UBE2N: variants seen among roughly 807,000 people sequenced by gnomAD.
The protein encoded by UBE2N is ubiquitin conjugating enzyme E2 N.
For synonymous variants in UBE2N, 70 were observed against 69.2 expected (o/e 1.01, Z -0.06); for missense variants, 60 against 192.1 (o/e 0.31, Z 4.07).
intron 1 of UBE2N, among the ~76,000 whole-genome samples, chr12:93,435,293 T>C (rs1357844235): frequency 6.6e-6 from 1 of 151,922 alleles, no homozygotes; most frequent in Non-Finnish European, 1.5e-5. Context: ...ACCAACATGG[T>C]GAAACCCTGC....
intron 1 of UBE2N, among the ~76,000 whole-genome samples, chr12:93,417,828 T>C (rs533196999): frequency 1.6e-4 from 24 of 152,130 alleles, no homozygotes; most frequent in African/African-American, 4.8e-4. Flanking sequence ...TTGTGTGTTA[T>C]AGAAAAAAAA....
Position 93,441,937 on chromosome 12 carries a change from C to G in UBE2N, c.-53G>C. On this transcript the variant is annotated 5_prime_UTR_variant, in exon 1 of 4. Coordinates refer to ENST00000318066, the MANE Select transcript of UBE2N (RefSeq NM_003348.4). ...GTCTCGTCTCCGGCTCCTCTCGCCT[C>G]ACGCACGAGTGGAAGTCCCGGGCTC... 1.9e-6 allele frequency: 3 copies of G among 1,539,908 alleles called. No individual in the cohort carries two copies. The highest frequency in any genetic ancestry group is 1.7e-6 in the Non-Finnish European group (2 of 1,144,620).
At chr12:93,424,981 T>A (rs1293123293) in intron 1 of UBE2N, among the ~76,000 whole-genome samples, 1 of 152,220 alleles carries the variant, frequency 6.6e-6, no homozygotes, top group Non-Finnish European at 1.5e-5. Flanking sequence ...AACAAACCAT[T>A]TTCCCACACA....
chr12:93,422,231 T>A (rs369561149), intron 1 of UBE2N, among the ~76,000 whole-genome samples: 8 of 152,308 alleles, frequency 5.3e-5, no homozygotes, highest in African/African-American at 1.9e-4. Flanking sequence ...ATTAGTAGAC[T>A]CGTGGCAGTC....
At chr12:93,417,640 C>T (rs759226935) in intron 1 of UBE2N, among the ~76,000 whole-genome samples, 27 of 152,138 alleles carry the variant, frequency 1.8e-4, no homozygotes, top group Non-Finnish European at 3.7e-4. Context: ...AACTGTAGAT[C>T]TTTTAGCTCA....
chr12:93,429,317 T>C, intron 1 of UBE2N: 1 of 419,186 alleles, frequency 2.4e-6, no homozygotes, highest in Non-Finnish European at 4.6e-6. Flanking sequence ...ACTTGATATA[T>C]AAATGAATGC....
At chr12:93,441,770 C>A in intron 1 of UBE2N, 85 bp downstream of exon 1, 1 of 1,540,456 alleles carries the variant, frequency 6.5e-7, no homozygotes, top group East Asian at 2.7e-5. Context: ...GGGCCGCGGG[C>A]CGAAGGAGGC....
chr12:93,435,272 A>C (rs1239416430), intron 1 of UBE2N, among the ~76,000 whole-genome samples: 1 of 152,172 alleles, frequency 6.6e-6, no homozygotes, highest in Non-Finnish European at 1.5e-5. Context: ...CAGGAGTTCG[A>C]GACCAGCCTG....
intron 1 of UBE2N, among the ~76,000 whole-genome samples, chr12:93,434,952 T>G (rs1193898809): frequency 6.6e-6 from 1 of 152,130 alleles, no homozygotes; most frequent in East Asian, 1.9e-4. Flanking sequence ...TTACCCAGGC[T>G]GGGGTGCAGT....
chr12:93,435,908 G>T (rs1422813314), intron 1 of UBE2N, among the ~76,000 whole-genome samples: 1 of 148,640 alleles, frequency 6.7e-6, no homozygotes, highest in Admixed American at 6.6e-5. Context: ...TTAATTAAAT[G>T]TATTTTCTTA....
chr12:93,428,798 C>A (rs958651828), intron 1 of UBE2N, among the ~76,000 whole-genome samples: 2 of 152,208 alleles, frequency 1.3e-5, no homozygotes, highest in Non-Finnish European at 2.9e-5. Flanking sequence ...GTCTTGGCAT[C>A]CTTGCCAATA....
At chr12:93,422,851 T>G (rs1369475038) in intron 1 of UBE2N, among the ~76,000 whole-genome samples, 2 of 152,256 alleles carry the variant, frequency 1.3e-5, no homozygotes, top group African/African-American at 2.4e-5. Flanking sequence ...CACTCATTCA[T>G]ATGTTCCTTT....
At chr12:93,437,111 T>C (rs1215790978) in intron 1 of UBE2N, among the ~76,000 whole-genome samples, 1 of 151,736 alleles carries the variant, frequency 6.6e-6, no homozygotes, top group African/African-American at 2.4e-5. Context: ...GAAAAAGTAT[T>C]AAATTTCCAA....
chr12:93,417,258 T>C (rs1878246744), intron 1 of UBE2N, among the ~76,000 whole-genome samples: 1 of 152,244 alleles, frequency 6.6e-6, no homozygotes, highest in Non-Finnish European at 1.5e-5. Flanking sequence ...TCAACAGATC[T>C]ACTGGGTCTT....
Position 93,408,746 on chromosome 12 carries a change from C to T in UBE2N, c.*1293G>A, listed in dbSNP as rs1877941786. The T allele has an allele frequency of 6.6e-6, 1 of 152,220 alleles. No individual in the cohort carries two copies. The highest frequency in any genetic ancestry group is 2.1e-4 in the South Asian group (1 of 4,834). The allele number at this position is 152,220 out of a possible 1,614,324, so 9.4% of individuals were successfully genotyped here. A position where few individuals can be genotyped will look rare whatever the true frequency, so the allele number is the denominator to read the frequency against. On this transcript the variant is annotated 3_prime_UTR_variant, in exon 4 of 4. Transcript: ENST00000318066. Reference sequence around the variant, plus strand: ...GAGGGATGAAAGCAAGAATCATTAACTGAGGACTTGATACTCTCAAAGGGA... The same window carrying T: ...GAGGGATGAAAGCAAGAATCATTAATTGAGGACTTGATACTCTCAAAGGGA...
chr12:93,437,922 TAA>T (rs1383104867), intron 1 of UBE2N, among the ~76,000 whole-genome samples: 1 of 152,130 alleles, frequency 6.6e-6, no homozygotes, highest in African/African-American at 2.4e-5. Context: ...TCCTAGTTAA[TAA>T]AAAAAGATAC....
At chr12:93,437,071 T>C (rs1275231433) in intron 1 of UBE2N, among the ~76,000 whole-genome samples, 2 of 152,020 alleles carry the variant, frequency 1.3e-5, no homozygotes, top group South Asian at 2.1e-4. Flanking sequence ...GAGAACAGCC[T>C]AGGCAACATG....
At chr12:93,424,608 C>T (rs955612895) in intron 1 of UBE2N, among the ~76,000 whole-genome samples, 2 of 152,226 alleles carry the variant, frequency 1.3e-5, no homozygotes, top group Non-Finnish European at 1.5e-5. Context: ...TAAGCATCCT[C>T]TCTCAGGGCT....
chr12:93,431,003 C>A, intron 1 of UBE2N, among the ~76,000 whole-genome samples: 1 of 150,208 alleles, frequency 6.7e-6, no homozygotes, highest in African/African-American at 2.4e-5. Context: ...CCAAGGCGGG[C>A]GAATCACAAG....
Sources: gnomAD v4.1 joint callset for allele counts (sites outside exome capture counted in the v4.1 genomes callset) on GRCh38, gnomAD v4.1.1 for gene constraint, MANE v1.5 for transcripts, NCBI Gene and HGNC (gene_info 2026-07-23, HGNC 2026-07-21) for gene names.